The following PPARG variants were observed in gnomAD, a reference collection of about 807,000 sequenced individuals.
PPARG encodes peroxisome proliferator-activated receptor gamma.
PPARG carries 17 observed loss-of-function variants against 39.2 expected under a neutral mutation model. The observed-to-expected ratio is 0.43, with a 90% CI of 0.30 to 0.65. The LOEUF (loss-of-function observed/expected upper bound fraction) is 0.65, where lower values mean the gene tolerates loss of function less well. Among genes scored for constraint, PPARG ranks in the 30% least tolerant of loss-of-function variants. The pLI is 0.13. For missense variants in PPARG, 406 were observed against 585.9 expected, an observed-to-expected ratio of 0.69 and a Z score of 3.17; for synonymous variants, 223 against 215.7, an observed-to-expected ratio of 1.03 and a Z score of -0.30.
intron 2 of PPARG, among the ~76,000 whole-genome samples, chr3:12,367,125 T>C (rs2049042734): frequency 6.6e-6 from 1 of 152,210 alleles, no homozygotes; most frequent in Admixed American, 6.5e-5. Context: ...TGGAAAATTA[T>C]GTCTTTCAAG....
At chr3:12,347,097 T>A (rs1259667867) in intron 2 of PPARG, among the ~76,000 whole-genome samples, 1 of 151,594 alleles carries the variant, frequency 6.6e-6, no homozygotes, top group South Asian at 2.1e-4. Flanking sequence ...GCAGGAGAAT[T>A]TCTTGAATCT....
upstream of PPARG, chr3:12,288,107 C>G (rs1169020730): frequency 6.6e-6 from 1 of 152,004 alleles, no homozygotes; most frequent in Non-Finnish European, 1.5e-5. Context: ...GGGCTGGGGC[C>G]GAGGGTCTGG....
Position 12,386,569 on chromosome 3 carries a change from C to T in PPARG, c.390+5078C>T, listed in dbSNP as rs147075578. Reference sequence around the variant, plus strand: ...CAAAGATTTATTTAAAACCCATTAACGAGGGAAAAGCAGGATGGTAAATCT... The same window carrying T: ...CAAAGATTTATTTAAAACCCATTAATGAGGGAAAAGCAGGATGGTAAATCT... On this transcript the variant is annotated intron_variant, in intron 4 of 7. Coordinates refer to ENST00000651735, the MANE Select transcript of PPARG (RefSeq NM_138711.6). Among the ~76,000 whole-genome samples the T allele has an allele frequency of 8.5e-4, 126 of 148,722 alleles. 2 individuals are homozygous for T. Among genetic ancestry groups the T allele is most frequent in the African/African-American group, 2.2e-3 (89 of 40,344 alleles).
intron 2 of PPARG, among the ~76,000 whole-genome samples, chr3:12,349,296 A>G (rs1326603393): frequency 6.6e-6 from 1 of 152,256 alleles, no homozygotes; most frequent in Non-Finnish European, 1.5e-5. Flanking sequence ...CAGATACATA[A>G]TAAGATACAA....
chr3:12,339,249 A>G (rs2048104652), intron 2 of PPARG, among the ~76,000 whole-genome samples: 1 of 152,230 alleles, frequency 6.6e-6, no homozygotes, highest in Admixed American at 6.5e-5. Flanking sequence ...ATGTCTAATA[A>G]AAGAAGCAAA....
chr3:12,407,586 G>T (rs143295160), intron 6 of PPARG, among the ~76,000 whole-genome samples: 1 of 152,296 alleles, frequency 6.6e-6, no homozygotes, highest in African/African-American at 2.4e-5. Context: ...GCCCTTCTAT[G>T]CAGTCATTTA....
chr3:12,300,850 T>C (rs1168615090), intron 1 of PPARG, among the ~76,000 whole-genome samples: 1 of 152,228 alleles, frequency 6.6e-6, no homozygotes, highest in African/African-American at 2.4e-5. Context: ...TTTACCTTGC[T>C]GTGCACTGTA....
chr3:12,331,924 A>T (rs67100517), intron 2 of PPARG, among the ~76,000 whole-genome samples: 37,822 of 152,052 alleles, frequency 0.25, 4,827 homozygotes, highest in East Asian at 0.33. Flanking sequence ...AGATATTTCA[A>T]TGGAGTTACC....
At chr3:12,425,929 T>C (rs146710910) in intron 7 of PPARG, among the ~76,000 whole-genome samples, 64 of 152,292 alleles carry the variant, frequency 4.2e-4, no homozygotes, top group Non-Finnish European at 8.1e-4. Flanking sequence ...GAGCCCATGC[T>C]CAGTTTCCAC....
intron 2 of PPARG, among the ~76,000 whole-genome samples, chr3:12,374,079 G>T (rs1432718966): frequency 6.6e-6 from 1 of 152,162 alleles, no homozygotes; most frequent in East Asian, 1.9e-4. Context: ...GACTGAAAAA[G>T]TAAGTTAGGG....
intron 4 of PPARG, among the ~76,000 whole-genome samples, chr3:12,392,207 G>T (rs761378097): frequency 4.6e-5 from 7 of 152,150 alleles, no homozygotes; most frequent in Non-Finnish European, 8.8e-5. Flanking sequence ...TTATAACTTT[G>T]CCAGGCTGCT....
chr3:12,430,243 G>A (rs1237336266), intron 7 of PPARG, among the ~76,000 whole-genome samples: 10 of 152,212 alleles, frequency 6.6e-5, no homozygotes, highest in Non-Finnish European at 1.5e-4. Flanking sequence ...TCACCAGCCA[G>A]GAGAATTGTG....
In PPARG at chr3:12,406,098, T is replaced by C. The variant is rs749891951; in HGVS notation, c.729+17T>C. The C allele has an allele frequency of 1.2e-6, 2 of 1,613,016 alleles. No individual in the cohort carries two copies. The highest frequency in any genetic ancestry group is 1.7e-6 in the Non-Finnish European group (2 of 1,179,354). ...GACAAATCAGTTAGTTCTCTTCTGC[T>C]GTCTTCATTGGGGGAGGCGGGAAGT... is the stretch of plus-strand genomic sequence containing the variant. On this transcript the variant is annotated intron_variant, in intron 6 of 7. Transcript: ENST00000651735.
At chr3:12,386,542 G>A (rs1253131424) in intron 4 of PPARG, among the ~76,000 whole-genome samples, 7 of 147,464 alleles carry the variant, frequency 4.7e-5, no homozygotes, top group Admixed American at 4.0e-4. Flanking sequence ...TTGAACATGT[G>A]TCAAAGATTT....
At chr3:12,347,739 C>T (rs2048368483) in intron 2 of PPARG, among the ~76,000 whole-genome samples, 1 of 152,116 alleles carries the variant, frequency 6.6e-6, no homozygotes, top group African/African-American at 2.4e-5. Context: ...ATTATCAGTT[C>T]GTTAGGTCTC....
chr3:12,303,605 C>T (rs1320025045), intron 1 of PPARG, among the ~76,000 whole-genome samples: 1 of 152,092 alleles, frequency 6.6e-6, no homozygotes, highest in African/African-American at 2.4e-5. Context: ...TTGTGGAGCT[C>T]GCTGTCACAT....
intron 5 of PPARG, among the ~76,000 whole-genome samples, chr3:12,394,034 G>C (rs957984089): frequency 1.1e-4 from 17 of 152,130 alleles, no homozygotes; most frequent in African/African-American, 4.1e-4. Flanking sequence ...GTCATGGATT[G>C]CAAAATAATT....
rs566521583 is a variant in PPARG, at chr3:12,425,495, C to T, written c.1180+8341C>T. 3.3e-5 allele frequency among the ~76,000 whole-genome samples: 5 copies of T among 152,244 alleles called. No individual in the cohort carries two copies. The South Asian group carries it at 1.0e-3, about 32-fold the overall frequency. On this transcript the variant is annotated intron_variant, in intron 7 of 7. Transcript: ENST00000651735. ...GTTCTTGGTATTCCCTTATCTCTTC[C>T]TTTCCCTCCCCTTATCCTGCCCAGA...
At chr3:12,374,047 C>G (rs936357751) in intron 2 of PPARG, among the ~76,000 whole-genome samples, 2 of 152,090 alleles carry the variant, frequency 1.3e-5, no homozygotes, top group Non-Finnish European at 2.9e-5. Flanking sequence ...GGAGCGAGGT[C>G]TGGGATAACC....
Sources: allele counts gnomAD v4.1 joint callset (sites outside exome capture counted in the v4.1 genomes callset), GRCh38; gene constraint gnomAD v4.1.1; transcripts MANE v1.5; gene names NCBI Gene and HGNC (gene_info 2026-07-23, HGNC 2026-07-21).